Variants in SYT14 observed in about 807,000 individuals in gnomAD.
SYT14 encodes the protein synaptotagmin 14, also known as synaptotagmin-14.
Under a neutral mutation model 74.2 loss-of-function variants are expected in SYT14, and 32 were observed. The ratio of observed to expected loss-of-function variants is 0.43; its 90% CI spans 0.33 to 0.58. The LOEUF (loss-of-function observed/expected upper bound fraction) is 0.58, where lower values mean the gene tolerates loss of function less well. SYT14 is among the 20% of genes least tolerant of loss of function. The probability of loss-of-function intolerance (pLI) is 0.05; values close to 1 mark genes in which losing one functional copy is unlikely to be tolerated. For missense variants in SYT14, 791 were observed against 981.8 expected, an observed-to-expected ratio of 0.81 and a Z score of 2.60; for synonymous variants, 298 against 337.7, an observed-to-expected ratio of 0.88 and a Z score of 1.29.
intron 5 of SYT14, among the ~76,000 whole-genome samples, chr1:210,060,235 C>T (rs1270475094): frequency 6.6e-6 from 1 of 152,048 alleles, no homozygotes; most frequent in East Asian, 1.9e-4. Flanking sequence ...CTCACGTTTC[C>T]TTTTGCACAA....
At chr1:209,985,826 A>G (rs1204054217) in intron 2 of SYT14, among the ~76,000 whole-genome samples, 1 of 152,230 alleles carries the variant, frequency 6.6e-6, no homozygotes, top group Non-Finnish European at 1.5e-5. Context: ...GAAGCCTCCA[A>G]GGCTTACAGC....
chr1:210,160,708 C>T lies in SYT14; in HGVS notation c.2282-21C>T, dbSNP rs199963843. Reference sequence around the variant, plus strand: ...TTTGTTTCAAATGATATTTGTGATACGTTGTCTTTTTCTTCTTTAGATACA... The same window carrying T: ...TTTGTTTCAAATGATATTTGTGATATGTTGTCTTTTTCTTCTTTAGATACA... On this transcript the variant is annotated intron_variant, in intron 9 of 9. Coordinates refer to ENST00000637265, the Ensembl canonical transcript of SYT14. The T allele has an allele frequency of 1.5e-3, 2,387 of 1,602,628 alleles. 59 individuals carry two copies. In the South Asian group the frequency reaches 0.025, roughly 17 times the overall value.
At chr1:209,976,287 T>G (rs1432402547) in intron 2 of SYT14, among the ~76,000 whole-genome samples, 2 of 146,590 alleles carry the variant, frequency 1.4e-5, no homozygotes, top group South Asian at 2.3e-4. Context: ...TTCTTTTAAT[T>G]GTGATGTTAG....
chr1:210,044,935 G>GAT (rs901657917), intron 5 of SYT14, among the ~76,000 whole-genome samples: 9 of 150,558 alleles, frequency 6.0e-5, no homozygotes, highest in Non-Finnish European at 1.0e-4. Context: ...TTACCAAGGG[G>GAT]ATGGTACTAA....
chr1:209,939,836 A>G (rs567005069), intron 1 of SYT14, among the ~76,000 whole-genome samples: 32 of 152,280 alleles, frequency 2.1e-4, no homozygotes, highest in African/African-American at 7.7e-4. Flanking sequence ...ATAACTTGTA[A>G]TTTCTTAAAA....
chr1:210,100,308 G>T lies in SYT14; in HGVS notation c.1881G>T (p.Met627Ile), dbSNP rs758291845. The T allele has an allele frequency of 2.1e-5, 34 of 1,613,998 alleles. 1 individual carries two copies. In the South Asian group the frequency reaches 3.6e-4, roughly 17 times the overall value. The change falls in exon 7 of 10, where the codon ATG (methionine) becomes ATT (isoleucine). Residue 627 changes from methionine (M) to isoleucine (I), a missense_variant. Met to Ile is a conservative substitution (Grantham distance 10). Coordinates refer to ENST00000637265, the Ensembl canonical transcript of SYT14. ...AATTTAATCATGTTGAATCTGAGAT[G>T]ATTGGAAATTATGCAGTTCGGTTTA...
At chr1:210,117,127 C>G (rs1040877248) in intron 7 of SYT14, among the ~76,000 whole-genome samples, 2 of 152,152 alleles carry the variant, frequency 1.3e-5, no homozygotes, top group Admixed American at 1.3e-4. Flanking sequence ...TTATGACTTA[C>G]TACAATGATG....
intron 1 of SYT14, among the ~76,000 whole-genome samples, chr1:209,946,144 T>C (rs928066069): frequency 6.6e-6 from 1 of 152,208 alleles, no homozygotes; most frequent in Non-Finnish European, 1.5e-5. Context: ...CAATCAGTTA[T>C]TCCCTCAGTC....
At chr1:210,043,497 G>A (rs2102352069) in intron 5 of SYT14, among the ~76,000 whole-genome samples, 1 of 152,228 alleles carries the variant, frequency 6.6e-6, no homozygotes, top group Non-Finnish European at 1.5e-5. Flanking sequence ...ATTGGAAAAT[G>A]TTGTTATGGT....
chr1:210,161,600 T>C (rs2083374055), exon 10 of SYT14: 1 of 453,938 alleles, frequency 2.2e-6, no homozygotes, highest in Non-Finnish European at 4.4e-6. Flanking sequence ...CTTAGGTTCA[T>C]TGTGCCTCAG....
intron 7 of SYT14, among the ~76,000 whole-genome samples, chr1:210,134,888 T>A (rs1302130831): frequency 1.3e-5 from 2 of 152,194 alleles, no homozygotes; most frequent in East Asian, 3.8e-4. Flanking sequence ...ATAACCCCTT[T>A]CTGAAACTCT....
chr1:210,010,007 C>A (rs551027815), intron 2 of SYT14, among the ~76,000 whole-genome samples: 4 of 152,206 alleles, frequency 2.6e-5, no homozygotes, highest in African/African-American at 2.4e-5. Context: ...ATAAGTGGAT[C>A]ATTATCAATT....
intron 7 of SYT14, among the ~76,000 whole-genome samples, chr1:210,110,863 G>T (rs2082248922): frequency 6.6e-6 from 1 of 152,152 alleles, no homozygotes; most frequent in Admixed American, 6.5e-5. Flanking sequence ...TCCTGCCTCA[G>T]CCTCCCGAGT....
chr1:209,959,118 A>G (rs778643124), intron 2 of SYT14, among the ~76,000 whole-genome samples: 8 of 152,186 alleles, frequency 5.3e-5, no homozygotes, highest in Non-Finnish European at 1.2e-4. Context: ...GAATATTCAC[A>G]GCAAGATTAT....
chr1:210,159,441 A>C, exon 9 of SYT14: 2 of 1,551,464 alleles, frequency 1.3e-6, no homozygotes, highest in Non-Finnish European at 1.7e-6. Context: ...CTGTTGTCTA[A>C]AACACTTGAT....
intron 6 of SYT14, among the ~76,000 whole-genome samples, chr1:210,096,509 A>G (rs1436112261): frequency 6.6e-6 from 1 of 152,202 alleles, no homozygotes; most frequent in African/African-American, 2.4e-5. Context: ...ATCGGTAGCA[A>G]GACCACACTG....
intron 5 of SYT14, among the ~76,000 whole-genome samples, chr1:210,083,819 C>T (rs2102489151): frequency 6.6e-6 from 1 of 152,236 alleles, no homozygotes. Flanking sequence ...GTCAGTCCAC[C>T]TTGGCCTCCC....
intron 7 of SYT14, among the ~76,000 whole-genome samples, chr1:210,133,701 A>G (rs992075677): frequency 6.6e-6 from 1 of 152,172 alleles, no homozygotes; most frequent in Admixed American, 6.5e-5. Context: ...TTCTTGTGCA[A>G]GGTGGAGGTG....
chr1:209,979,212 C>G (rs2079432879), intron 2 of SYT14, among the ~76,000 whole-genome samples: 1 of 152,174 alleles, frequency 6.6e-6, no homozygotes, highest in East Asian at 1.9e-4. Flanking sequence ...ACCCACTGTC[C>G]TGCACCCACT....
Sources: gnomAD v4.1 joint callset for allele counts (sites outside exome capture counted in the v4.1 genomes callset) on GRCh38, gnomAD v4.1.1 for gene constraint, MANE v1.5 for transcripts, NCBI Gene and HGNC (gene_info 2026-07-23, HGNC 2026-07-21) for gene names.